HRH2: variants seen among roughly 807,000 people sequenced by gnomAD.
HRH2 encodes the protein histamine receptor H2.
In HRH2, 4 loss-of-function variants were observed where a neutral mutation model predicts 20.1. The observed-to-expected ratio is 0.20, with a 90% CI of 0.10 to 0.45. The LOEUF is 0.45. Among genes scored for constraint, HRH2 ranks in the 20% least tolerant of loss-of-function variants. The pLI is 0.99. For synonymous variants in HRH2, 197 were observed against 200.7 expected (o/e 0.98, Z 0.16); for missense variants, 250 against 461.6 (o/e 0.54, Z 4.20).
Position 175,687,447 on chromosome 5 carries a change from C to T in HRH2, c.1076+3138C>T, listed in dbSNP as rs1461036115. The stretch of plus-strand genomic sequence containing the variant: ...CCTGCCCTGGGTGGGGTGGGGGCAC[C>T]GTCGGCCAAGGGGTGACTCCAGAAG... On this transcript the variant is annotated intron_variant, in intron 2 of 2. Coordinates refer to ENST00000636584, the MANE Select transcript of HRH2 (RefSeq NM_001367711.1). The surrounding 1 kb of genome is among the most constrained non-coding windows in gnomAD (Gnocchi z 5.2). 1.3e-5 allele frequency among the ~76,000 whole-genome samples: 2 copies of T among 152,178 alleles called. No individual in the cohort carries two copies. The highest frequency in any genetic ancestry group is 6.5e-5 in the Admixed American group (1 of 15,284).
At chr5:175,662,876 C>G (rs1762779477) in intron 1 of HRH2, among the ~76,000 whole-genome samples, 1 of 152,224 alleles carries the variant, frequency 6.6e-6, no homozygotes, top group Non-Finnish European at 1.5e-5. Context: ...TCTACTTTCC[C>G]TCGCTATAGG....
chr5:175,663,765 C>T (rs1307003405), intron 1 of HRH2, among the ~76,000 whole-genome samples: 1 of 152,240 alleles, frequency 6.6e-6, no homozygotes, highest in Non-Finnish European at 1.5e-5. Flanking sequence ...CAGCCCCCCT[C>T]TAGCACACTT....
intron 2 of HRH2, among the ~76,000 whole-genome samples, chr5:175,698,073 C>T (rs1025669543): frequency 1.4e-4 from 21 of 152,276 alleles, no homozygotes; most frequent in African/African-American, 4.8e-4. Flanking sequence ...CACGCTCTTG[C>T]GTGCAAGCAG....
chr5:175,674,667 G>A (rs73806108), intron 1 of HRH2, among the ~76,000 whole-genome samples: 8 of 152,256 alleles, frequency 5.3e-5, no homozygotes, highest in African/African-American at 1.9e-4. Context: ...GGTCCCGCTG[G>A]GGGCTGCAGA....
intron 2 of HRH2, among the ~76,000 whole-genome samples, chr5:175,697,067 G>A (rs1581458935): frequency 6.6e-6 from 1 of 152,192 alleles, no homozygotes; most frequent in Admixed American, 6.5e-5. Flanking sequence ...TAAGTCCCCC[G>A]CTGGCATGAC....
At chr5:175,670,965 G>A (rs150184016) in intron 1 of HRH2, among the ~76,000 whole-genome samples, 23 of 152,368 alleles carry the variant, frequency 1.5e-4, no homozygotes, top group East Asian at 5.8e-4. Context: ...ATACTCACCC[G>A]GCAGGGGCCA....
intron 2 of HRH2, among the ~76,000 whole-genome samples, chr5:175,688,291 T>A (rs1043594692): frequency 6.6e-6 from 1 of 152,204 alleles, no homozygotes; most frequent in Non-Finnish European, 1.5e-5. Flanking sequence ...TGGACACATT[T>A]GGGGGCCATT....
intron 2 of HRH2, among the ~76,000 whole-genome samples, chr5:175,694,674 G>T (rs925235307): frequency 6.6e-6 from 1 of 152,160 alleles, no homozygotes; most frequent in Non-Finnish European, 1.5e-5. Flanking sequence ...CCTCCTAGCT[G>T]CTATTTCTGT....
intron 1 of HRH2, among the ~76,000 whole-genome samples, chr5:175,675,554 G>C (rs1755726233): frequency 2.0e-5 from 3 of 152,194 alleles, no homozygotes; most frequent in Admixed American, 1.3e-4. Context: ...CCTGTGCAAT[G>C]ATTGAGAGGA....
At chr5:175,673,007 G>A (rs181878586) in intron 1 of HRH2, among the ~76,000 whole-genome samples, 3 of 152,254 alleles carry the variant, frequency 2.0e-5, no homozygotes, top group Non-Finnish European at 4.4e-5. Flanking sequence ...GGTGGTAAAA[G>A]AGGAGATGGA....
chr5:175,699,698 C>T (rs112657146), intron 2 of HRH2, among the ~76,000 whole-genome samples: 15,444 of 152,146 alleles, frequency 0.1, 2,456 homozygotes, highest in African/African-American at 0.34. Flanking sequence ...CTCAGCCTCC[C>T]GAGTAGCTGG....
At chr5:175,674,109 G>A (rs926114575) in intron 1 of HRH2, among the ~76,000 whole-genome samples, 2 of 152,188 alleles carry the variant, frequency 1.3e-5, no homozygotes, top group Admixed American at 6.5e-5. Context: ...TCCCACATCC[G>A]CTGTTGGCAG....
chr5:175,703,859 C>T (rs973508105), intron 2 of HRH2: 2 of 152,040 alleles, frequency 1.3e-5, no homozygotes, highest in African/African-American at 4.8e-5. Flanking sequence ...AATAGAAAAC[C>T]TGAATTGCCA....
intron 1 of HRH2, among the ~76,000 whole-genome samples, chr5:175,664,518 A>C (rs970029453): frequency 1.1e-4 from 17 of 152,200 alleles, no homozygotes; most frequent in African/African-American, 4.1e-4. Flanking sequence ...CAGGGCATTC[A>C]GGATGATTAG....
chr5:175,668,738 C>A (rs1201630923), intron 1 of HRH2, among the ~76,000 whole-genome samples: 3 of 152,080 alleles, frequency 2.0e-5, no homozygotes, highest in Non-Finnish European at 4.4e-5. Flanking sequence ...TGTCCAGGAA[C>A]AATCGCGTGC....
At chr5:175,670,589 C>T (rs140926456) in intron 1 of HRH2, among the ~76,000 whole-genome samples, 150 of 152,354 alleles carry the variant, frequency 9.8e-4, no homozygotes, top group Middle Eastern at 3.4e-3. Flanking sequence ...TTCCTGTCCT[C>T]GGTCCTACTA....
intron 2 of HRH2, among the ~76,000 whole-genome samples, chr5:175,701,679 A>T (rs991844504): frequency 6.6e-6 from 1 of 152,202 alleles, no homozygotes; most frequent in African/African-American, 2.4e-5. Flanking sequence ...CCAACCCTGA[A>T]GCCAGGGCAA....
chr5:175,675,708 C>T (rs1397742223), intron 1 of HRH2, among the ~76,000 whole-genome samples: 4 of 152,256 alleles, frequency 2.6e-5, no homozygotes, highest in Non-Finnish European at 5.9e-5. Flanking sequence ...CACTCCTAAG[C>T]ATGAGCTAGT....
chr5:175,673,653 C>T (rs1365104254), intron 1 of HRH2, among the ~76,000 whole-genome samples: 1 of 151,362 alleles, frequency 6.6e-6, no homozygotes, highest in Non-Finnish European at 1.5e-5. Context: ...CAACACTGTA[C>T]ACTGTAACAC....
Sources: gnomAD v4.1 joint callset for allele counts (sites outside exome capture counted in the v4.1 genomes callset) on GRCh38, gnomAD v4.1.1 for gene constraint, Gnocchi (gnomAD v3.1) non-coding constraint, MANE v1.5 for transcripts, NCBI Gene and HGNC (gene_info 2026-07-23, HGNC 2026-07-21) for gene names.